ZFHX3: variants seen among roughly 807,000 people sequenced by gnomAD.
ZFHX3 encodes the protein zinc finger homeobox 3, also known as zinc finger homeobox protein 3.
In ZFHX3, 42 loss-of-function variants were observed where a neutral mutation model predicts 279.1. The ratio of observed to expected loss-of-function variants is 0.15; its 90% confidence interval spans 0.12 to 0.19. The LOEUF (loss-of-function observed/expected upper bound fraction) is 0.19, where lower values mean the gene tolerates loss of function less well. ZFHX3 is among the 10% of genes least tolerant of loss of function. The pLI is 1.00. For synonymous variants in ZFHX3, 2,293 were observed against 1,957.8 expected, an observed-to-expected ratio of 1.17 and a Z score of -4.52; for missense variants, 4,981 against 4,754.0, an observed-to-expected ratio of 1.05 and a Z score of -1.40.
At chr16:72,822,455 G>T (rs1322970045) in intron 5 of ZFHX3, among the ~76,000 whole-genome samples, 1 of 152,182 alleles carries the variant, frequency 6.6e-6, no homozygotes, top group African/African-American at 2.4e-5. Context: ...GCTGCAAAAC[G>T]AAGGTAGCAT....
In ZFHX3 at chr16:73,795,004, CT is replaced by C. The variant is rs568334312; in HGVS notation, c.-1608+96646del. On this transcript the variant is annotated intron_variant, in intron 1 of 17. Coordinates refer to the ZFHX3 transcript ENST00000641206. ...ACACACCCAGGACTGGTTGGCTGCACTTTTATCGGCAACAAAACAATCAGCT... is the reference window on the plus strand; with the variant it reads ...ACACACCCAGGACTGGTTGGCTGCACTTTATCGGCAACAAAACAATCAGCT... Among the ~76,000 whole-genome samples, 270 of 152,290 alleles carry C rather than the reference CT, an allele frequency of 1.8e-3. 1 individual carries two copies. The highest frequency in any genetic ancestry group is 7.9e-3 in the South Asian group (38 of 4,828).
chr16:72,905,908 C>T (rs546083571), intron 3 of ZFHX3, among the ~76,000 whole-genome samples: 1 of 152,184 alleles, frequency 6.6e-6, no homozygotes, highest in Non-Finnish European at 1.5e-5. Flanking sequence ...TTGCCAGGGA[C>T]TGCTGCTGAC....
At chr16:73,524,943 C>A (rs1424079456) in intron 2 of ZFHX3, among the ~76,000 whole-genome samples, 1 of 152,160 alleles carries the variant, frequency 6.6e-6, no homozygotes, top group East Asian at 1.9e-4. Context: ...TGTCCATTTC[C>A]TTCAGCTAAA....
At chr16:73,382,802 T>C (rs929798112) in intron 3 of ZFHX3, among the ~76,000 whole-genome samples, 4 of 152,172 alleles carry the variant, frequency 2.6e-5, no homozygotes, top group African/African-American at 9.7e-5. Flanking sequence ...CAACTTTCAA[T>C]AGAAACAAAT....
chr16:73,657,874 A>G (rs1320731725), intron 2 of ZFHX3, among the ~76,000 whole-genome samples: 1 of 152,132 alleles, frequency 6.6e-6, no homozygotes, highest in East Asian at 1.9e-4. Flanking sequence ...AGCTGTTTCC[A>G]CCTTTTGACT....
At chr16:73,730,861 C>G (rs2053564366) in intron 1 of ZFHX3, among the ~76,000 whole-genome samples, 1 of 152,128 alleles carries the variant, frequency 6.6e-6, no homozygotes, top group Non-Finnish European at 1.5e-5. Flanking sequence ...TCCAGCTCTA[C>G]ACAGCCTCAC....
intron 5 of ZFHX3, among the ~76,000 whole-genome samples, chr16:73,195,472 G>T (rs866976080): frequency 4.3e-5 from 6 of 140,526 alleles, no homozygotes; most frequent in Middle Eastern, 8.3e-3. Flanking sequence ...AGGCTGGACT[G>T]CAGTGGTGTG....
rs755909834 is a variant in ZFHX3 at position 72,959,486 on chromosome 16, G to C, written c.660C>G (p.Ala220=). 1.2e-6 allele frequency: 2 copies of C among 1,614,268 alleles called. No individual in the cohort carries two copies. The highest frequency in any genetic ancestry group is 2.2e-5 in the East Asian group (1 of 44,884). ...GCAGGACGGGGCTGAGCCCCGCCAG[G>C]GCTGAGGTATTCGGGAAAGCCTGGT... ...GPDQAFPNTS[A]LAGLSPVLHS... is the part of the protein sequence containing the mutation. Residue 220 remains alanine (A), a synonymous_variant, in exon 2 of 10, where the codon GCC becomes GCG. Coordinates refer to ENST00000268489, the MANE Select transcript of ZFHX3 (RefSeq NM_006885.4).
At chr16:73,120,887 C>T (rs1966491175) in intron 7 of ZFHX3, among the ~76,000 whole-genome samples, 1 of 151,856 alleles carries the variant, frequency 6.6e-6, no homozygotes, top group Non-Finnish European at 1.5e-5. Flanking sequence ...ATATCCTGAC[C>T]TTGTGATCCG....
Position 72,795,378 on chromosome 16 carries a change from G to A in ZFHX3, c.7304C>T (p.Ala2435Val). Residue 2435 changes from alanine to valine, a missense_variant, in exon 9 of 10, where the codon GCT (alanine) becomes GTT (valine). Ala to Val is a moderately conservative substitution (Grantham distance 64). This residue lies in a region of ZFHX3 where 744 missense variants were observed against 701.3 expected (regional missense o/e 1.06). Transcript: ENST00000268489. ...GGTTTGGTTTGGCTGTGCACTGGGA[G>A]CTTCCGCCAGCTTTGGTTTCTCATC... ...AGDEKPKLAE[A>V]PSAQPNQTQE... The A allele has an allele frequency of 6.2e-7, 1 of 1,614,110 alleles. No homozygotes were observed. Among genetic ancestry groups the A allele is most frequent in the Non-Finnish European group, 8.5e-7 (1 of 1,180,016 alleles).
chr16:73,723,096 A>G (rs926023972), intron 1 of ZFHX3, among the ~76,000 whole-genome samples: 7 of 152,272 alleles, frequency 4.6e-5, no homozygotes, highest in Non-Finnish European at 8.8e-5. Context: ...AAGTGGCTCA[A>G]TCCTACTTCA....
intron 3 of ZFHX3, among the ~76,000 whole-genome samples, chr16:73,442,643 A>T (rs2018114388): frequency 6.6e-6 from 1 of 152,196 alleles, no homozygotes; most frequent in South Asian, 2.1e-4. Context: ...GGTAATCTTA[A>T]AAGAGACCTG....
chr16:73,813,460 C>T (rs1221237405), intron 1 of ZFHX3, among the ~76,000 whole-genome samples: 2 of 151,912 alleles, frequency 1.3e-5, no homozygotes, highest in Non-Finnish European at 2.9e-5. Flanking sequence ...GAACTGCATA[C>T]TTATCATTTG....
intron 8 of ZFHX3, among the ~76,000 whole-genome samples, chr16:73,090,526 A>G (rs1033401627): frequency 1.3e-5 from 2 of 152,212 alleles, no homozygotes; most frequent in Non-Finnish European, 2.9e-5. Context: ...AGTGCCTATC[A>G]CATAGTATTT....
chr16:72,954,315 AGCCGAGACT>A (rs1451855939), intron 2 of ZFHX3, among the ~76,000 whole-genome samples: 1 of 152,186 alleles, frequency 6.6e-6, no homozygotes, highest in Non-Finnish European at 1.5e-5. Context: ...GGCTGCAGTG[AGCCGAGACT>A]GCGCTATTGC....
chr16:72,974,007 G>A (rs1962228346), intron 1 of ZFHX3, among the ~76,000 whole-genome samples: 1 of 152,198 alleles, frequency 6.6e-6, no homozygotes, highest in Non-Finnish European at 1.5e-5. Context: ...GTCTACTATG[G>A]TTCCTAAGTT....
intron 3 of ZFHX3, among the ~76,000 whole-genome samples, chr16:72,946,049 A>G (rs891155573): frequency 1.6e-4 from 24 of 152,322 alleles, no homozygotes; most frequent in African/African-American, 5.8e-4. Flanking sequence ...TGTGAATCCC[A>G]ATGAGTTTCT....
chr16:73,030,795 T>C (rs1180184576), intron 1 of ZFHX3, among the ~76,000 whole-genome samples: 1 of 152,202 alleles, frequency 6.6e-6, no homozygotes, highest in Non-Finnish European at 1.5e-5. Context: ...CTGCCTCCCT[T>C]GCACGCCCCT....
chr16:73,823,460 C>T (rs540659766), intron 1 of ZFHX3, among the ~76,000 whole-genome samples: 5 of 152,284 alleles, frequency 3.3e-5, no homozygotes, highest in South Asian at 4.1e-4. Flanking sequence ...AAGGTTCAAA[C>T]CAATGCAGGA....
Sources: gnomAD v4.1 joint callset for allele counts (sites outside exome capture counted in the v4.1 genomes callset) on GRCh38, gnomAD v4.1.1 for gene constraint, gnomAD v4.1.1 regional missense constraint, MANE v1.5 for transcripts, NCBI Gene and HGNC (gene_info 2026-07-23, HGNC 2026-07-21) for gene names.